Variants in NSG1 observed in about 807,000 individuals in gnomAD.
NSG1 encodes the protein neuronal vesicle trafficking associated 1, also known as neuronal vesicle trafficking-associated protein 1.
NSG1 carries 9 observed loss-of-function variants against 19.3 expected under a neutral mutation model. The observed-to-expected ratio is 0.47, with a 90% CI of 0.28 to 0.81. The LOEUF (loss-of-function observed/expected upper bound fraction) is 0.81. Ranked by LOEUF, NSG1 falls within the 40% of genes least tolerant of loss-of-function variation. The probability of loss-of-function intolerance (pLI) is 0.11; values close to 1 mark genes in which losing one functional copy is unlikely to be tolerated. For synonymous variants in NSG1, 104 were observed against 107.0 expected, an observed-to-expected ratio of 0.97 and a Z score of 0.17; for missense variants, 236 against 242.4, an observed-to-expected ratio of 0.97 and a Z score of 0.18.
chr4:4,403,612 A>G (rs778015594), intron 3 of NSG1, among the ~76,000 whole-genome samples: 1 of 152,156 alleles, frequency 6.6e-6, no homozygotes, highest in Non-Finnish European at 1.5e-5. Context: ...ACTTGATTGA[A>G]TCAGCAAAGT....
At position 4,387,585 on chromosome 4, in the gene NSG1, C is replaced by T; in HGVS notation, c.-26-19C>T. On this transcript the variant is annotated intron_variant, in intron 1 of 4. Transcript: ENST00000621129. ...CCGGGTCTTGCTTGTGGTGACTCCC[C>T]CCGGCCCTCCCGCCGCAGGCTGCAG... is the stretch of plus-strand genomic sequence containing the variant. 1 of 1,585,592 alleles carries T rather than the reference C, an allele frequency of 6.3e-7. No individual in the cohort carries two copies. The highest frequency in any genetic ancestry group is 1.1e-5 in the South Asian group (1 of 87,172).
In NSG1 at chr4:4,417,524, T is replaced by C. The variant is rs539736317; in HGVS notation, c.*89T>C. ...TCATTAAATATAATTACTGATACTT[T>C]AGAGGTTACTCATTTACGGTGCAAT... On this transcript the variant is annotated 3_prime_UTR_variant, in exon 5 of 5. Coordinates refer to ENST00000621129, the MANE Select transcript of NSG1 (RefSeq NM_014392.5). The C allele has an allele frequency of 2.3e-5, 29 of 1,273,304 alleles. No homozygotes were observed. The highest frequency in any genetic ancestry group is 4.1e-4 in the Middle Eastern group (2 of 4,830). 78.9% of individuals were successfully genotyped at this position (1,273,304 alleles called of 1,614,324 possible).
chr4:4,408,843 A>G (rs916765789), intron 3 of NSG1, among the ~76,000 whole-genome samples: 1 of 152,098 alleles, frequency 6.6e-6, no homozygotes, highest in Non-Finnish European at 1.5e-5. Flanking sequence ...GTCCAGTGTC[A>G]TCTAGTGACC....
chr4:4,402,368 G>GTTTTTTTTT (rs1560143233), intron 3 of NSG1, among the ~76,000 whole-genome samples: 23 of 99,636 alleles, frequency 2.3e-4, no homozygotes, highest in African/African-American at 8.3e-4. Flanking sequence ...ACCACGCCTG[G>GTTTTTTTTT]TTATTTTTTT....
intron 3 of NSG1, among the ~76,000 whole-genome samples, chr4:4,393,012 C>T (rs979104869): frequency 3.9e-5 from 6 of 152,102 alleles, no homozygotes; most frequent in Non-Finnish European, 8.8e-5. Context: ...GTGGGATTAG[C>T]GCGTGCCTTA....
At chr4:4,404,157 C>T (rs890393014) in intron 3 of NSG1, among the ~76,000 whole-genome samples, 1 of 152,232 alleles carries the variant, frequency 6.6e-6, no homozygotes, top group Non-Finnish European at 1.5e-5. Context: ...CCAACACCGG[C>T]CTCTTAGGAT....
At chr4:4,411,172 G>T (rs1472363509) in intron 4 of NSG1, among the ~76,000 whole-genome samples, 1 of 152,156 alleles carries the variant, frequency 6.6e-6, no homozygotes, top group Non-Finnish European at 1.5e-5. Context: ...CTTTTAAAAT[G>T]TAAGTTTTTG....
intron 3 of NSG1, among the ~76,000 whole-genome samples, chr4:4,407,569 T>C (rs1723935573): frequency 6.6e-6 from 1 of 152,162 alleles, no homozygotes; most frequent in Non-Finnish European, 1.5e-5. Flanking sequence ...AGAGGCCACG[T>C]CCCTCAGCTC....
chr4:4,411,698 C>G (rs113195330), intron 4 of NSG1, among the ~76,000 whole-genome samples: 10,255 of 152,108 alleles, frequency 0.067, 1,117 homozygotes, highest in African/African-American at 0.23. Context: ...GAGCTGAGAT[C>G]ATGCCACTGC....
intron 3 of NSG1, among the ~76,000 whole-genome samples, chr4:4,402,549 G>A (rs372594512): frequency 1.3e-5 from 2 of 151,678 alleles, no homozygotes; most frequent in South Asian, 2.1e-4. Flanking sequence ...CACTACACCC[G>A]GCTAATTTTT....
intron 1 of NSG1, among the ~76,000 whole-genome samples, 161 bp downstream of exon 1, chr4:4,387,334 T>G (rs900528869): frequency 2.6e-5 from 4 of 151,906 alleles, no homozygotes; most frequent in Admixed American, 6.5e-5. Flanking sequence ...GGTCTGGAGG[T>G]GCTGGGCAGG....
intron 1 of NSG1, 43 bp from the exon 2 acceptor site, chr4:4,387,561 C>CCGGGGGTGGGT: frequency 6.1e-6 from 7 of 1,141,976 alleles, no homozygotes; most frequent in Non-Finnish European, 8.7e-6. Flanking sequence ...CGCCCCGCCC[C>CCGGGGGTGGGT]GGGTCTTGCT....
At chr4:4,394,634 CTT>C (rs1723161263) in intron 3 of NSG1, among the ~76,000 whole-genome samples, 1 of 152,220 alleles carries the variant, frequency 6.6e-6, no homozygotes, top group Admixed American at 6.5e-5. Flanking sequence ...CTTAGGGACT[CTT>C]TGTGCAGACG....
At chr4:4,408,784 C>A (rs761171041) in intron 3 of NSG1, among the ~76,000 whole-genome samples, 4 of 152,158 alleles carry the variant, frequency 2.6e-5, no homozygotes, top group Non-Finnish European at 5.9e-5. Flanking sequence ...GACATACTCT[C>A]GTCCCTGCCA....
At chr4:4,391,355 G>A (rs1018432152) in intron 2 of NSG1, 120 bp from the exon 3 acceptor site, 19 of 672,868 alleles carry the variant, frequency 2.8e-5, no homozygotes, top group East Asian at 1.3e-4. Context: ...GGCTGTTCTC[G>A]TTCTTGTGAA....
In NSG1 at chr4:4,417,496, A is replaced by AT; in HGVS notation, c.*64dup. On this transcript the variant is annotated 3_prime_UTR_variant, in exon 5 of 5. Coordinates refer to ENST00000621129, the MANE Select transcript of NSG1 (RefSeq NM_014392.5). ...AAATAACAAAGGGACTTTGAGGGAC[A>AT]TTTCATTAAATATAATTACTGATAC... 6.9e-7 allele frequency: 1 copy of AT among 1,438,934 alleles called. No homozygotes were observed. Among genetic ancestry groups the AT allele is most frequent in the East Asian group, 2.3e-5 (1 of 43,884 alleles). The allele number at this position is 1,438,934 out of a possible 1,614,324, so 89.1% of individuals were successfully genotyped here. A position where few individuals can be genotyped will look rare whatever the true frequency, so the allele number is the denominator to read the frequency against.
In NSG1 at chr4:4,410,854, T is replaced by G. The variant is rs528902155; in HGVS notation, c.357+1171T>G. Among the ~76,000 whole-genome samples, 6 of 152,314 alleles carry G rather than the reference T, an allele frequency of 3.9e-5. No homozygotes were observed. The South Asian group carries it at 1.0e-3, about 26-fold the overall frequency. ...CCTGAGCTCACTGTAACCTTTTTAC[T>G]TCATAAACTTTTTGTGTGTGTGTGA... is the stretch of plus-strand genomic sequence containing the variant. On this transcript the variant is annotated intron_variant, in intron 4 of 4. Transcript: ENST00000621129.
Position 4,412,676 on chromosome 4 carries a change from C to T in NSG1, c.357+2993C>T, listed in dbSNP as rs372623360. Reference sequence around the variant, plus strand: ...CTAGGCAGCTTGTGTGGGGCTTTTACACCTGTTGCTCACGGAATCCATACA... The same window carrying T: ...CTAGGCAGCTTGTGTGGGGCTTTTATACCTGTTGCTCACGGAATCCATACA... On this transcript the variant is annotated intron_variant, in intron 4 of 4. Coordinates refer to ENST00000621129, the MANE Select transcript of NSG1 (RefSeq NM_014392.5). 8.1e-4 allele frequency among the ~76,000 whole-genome samples: 124 copies of T among 152,320 alleles called. 2 individuals carry two copies. The South Asian group carries it at 0.023, about 29-fold the overall frequency.
intron 4 of NSG1, among the ~76,000 whole-genome samples, chr4:4,411,482 G>T (rs557614020): frequency 6.6e-6 from 1 of 152,108 alleles, no homozygotes. Flanking sequence ...AGTGGCTCAC[G>T]CCTGTAATCC....
Sources: allele counts gnomAD v4.1 joint callset (sites outside exome capture counted in the v4.1 genomes callset), GRCh38; gene constraint gnomAD v4.1.1; transcripts MANE v1.5; gene names NCBI Gene and HGNC (gene_info 2026-07-23, HGNC 2026-07-21).